Variants in ACCS observed in about 807,000 individuals in gnomAD.
ACCS encodes 1-aminocyclopropane-1-carboxylate synthase-like protein 1.
In ACCS, 42 loss-of-function variants were observed where a neutral mutation model predicts 59.8. The observed-to-expected ratio is 0.70, with a 90% CI of 0.55 to 0.91. The LOEUF (loss-of-function observed/expected upper bound fraction) is 0.91. ACCS is among the 40% of genes least tolerant of loss of function. The probability of loss-of-function intolerance (pLI) is 0.00; values close to 1 mark genes in which losing one functional copy is unlikely to be tolerated. For missense variants in ACCS, 602 were observed against 630.4 expected (o/e 0.95, Z 0.48); for synonymous variants, 230 against 240.3 (o/e 0.96, Z 0.40).
chr11:44,079,373 A>T, intron 9 of ACCS, 158 bp from the exon 10 acceptor site: 1 of 616,390 alleles, frequency 1.6e-6, no homozygotes, highest in Non-Finnish European at 2.9e-6. Context: ...TCTGTTTGAA[A>T]AAAACAGAAG....
rs1158400029 is a variant in ACCS, at chr11:44,077,527, G to C, written c.654+151G>C. 3 of 1,458,910 alleles carry C rather than the reference G, an allele frequency of 2.1e-6. No homozygotes were observed. In the African/African-American group the frequency reaches 4.3e-5, roughly 21 times the overall value. 90.4% of individuals were successfully genotyped at this position (1,458,910 alleles called of 1,614,324 possible). A position where few individuals can be genotyped will look rare whatever the true frequency, so the allele number is the denominator to read the frequency against. On this transcript the variant is annotated intron_variant, in intron 7 of 14. Coordinates refer to ENST00000263776, the MANE Select transcript of ACCS (RefSeq NM_032592.4). ...TGTTGCTGCATGGCTGCCTGTGCCT[G>C]GGTTCCCCAGTGGCTCCAAAGTTCC...
chr11:44,083,434 A>C lies in ACCS; in HGVS notation c.1265A>C (p.Lys422Thr). 6.2e-7 allele frequency: 1 copy of C among 1,614,150 alleles called. No individual in the cohort carries two copies. The highest frequency in any genetic ancestry group is 8.5e-7 in the Non-Finnish European group (1 of 1,180,002). Residue 422 changes from lysine to threonine, a missense_variant, in exon 14 of 15, where the codon AAG (lysine) becomes ACG (threonine). Lys to Thr is a moderately conservative substitution (Grantham distance 78). Coordinates refer to ENST00000263776, the MANE Select transcript of ACCS (RefSeq NM_032592.4). ...IWVDLRKYLPKGTFEEEMLLW... is the reference protein window; with the variant it reads ...IWVDLRKYLPTGTFEEEMLLW... ...CTTCCACCCTCTCAGTACCTGCCCAAGGGCACCTTTGAGGAGGAAATGCTG... is the reference window on the plus strand; with the variant it reads ...CTTCCACCCTCTCAGTACCTGCCCACGGGCACCTTTGAGGAGGAAATGCTG...
Position 44,083,977 on chromosome 11 carries a change from C to A in ACCS, c.*185C>A. The A allele has an allele frequency of 1.5e-6, 2 of 1,308,760 alleles. No homozygotes were observed. The highest frequency in any genetic ancestry group is 2.0e-6 in the Non-Finnish European group (2 of 985,782). 81.1% of individuals were successfully genotyped at this position (1,308,760 alleles called of 1,614,324 possible). A position where few individuals can be genotyped will look rare whatever the true frequency, so the allele number is the denominator to read the frequency against. ...GGAAACTCCTTAAGCTGTGGTTCAG[C>A]CTGGGCCCTCCCTCTCTCCTATTAA... On this transcript the variant is annotated 3_prime_UTR_variant, in exon 15 of 15. Coordinates refer to ENST00000263776, the MANE Select transcript of ACCS (RefSeq NM_032592.4).
intron 10 of ACCS, among the ~76,000 whole-genome samples, chr11:44,080,009 C>A (rs178528): frequency 0.32 from 49,244 of 152,074 alleles, 8,374 homozygotes; most frequent in Admixed American, 0.47. Flanking sequence ...CCAAACACCT[C>A]TGGATATTTA....
At chr11:44,081,108 G>A (rs1285418463) in intron 11 of ACCS, 43 bp downstream of exon 11, 3 of 1,614,072 alleles carry the variant, frequency 1.9e-6, no homozygotes, top group Non-Finnish European at 1.7e-6. Context: ...AGGGTGGGAG[G>A]GCAGAGAGGT....
chr11:44,067,700 G>A lies in ACCS; in HGVS notation c.73G>A (p.Gly25Ser), dbSNP rs766370364. 1 of 1,614,184 alleles carries A rather than the reference G, an allele frequency of 6.2e-7. No homozygotes were observed. The highest frequency in any genetic ancestry group is 2.2e-5 in the East Asian group (1 of 44,888). Residue 25 changes from glycine to serine, a missense_variant, in exon 2 of 15, where the codon GGC becomes AGC. Transcript: ENST00000263776. ...GGGCCCCACCTGCATGCAGGACCTGGGCAGTAGCCATGGGGAAGATCTGGA... is the reference window on the plus strand; with the variant it reads ...GGGCCCCACCTGCATGCAGGACCTGAGCAGTAGCCATGGGGAAGATCTGGA... ...CLGPTCMQDL[G>S]SSHGEDLEGE...
chr11:44,083,282 G>C lies in ACCS; in HGVS notation c.1225G>C (p.Gly409Arg). ...LGIPFLSRGA[G>R]FFIWVDLRKY... ...GATCCCCTTCTTGAGTCGTGGGGCTGGCTTCTTCATCTGGGTTGACTTGAG... is the reference window on the plus strand; with the variant it reads ...GATCCCCTTCTTGAGTCGTGGGGCTCGCTTCTTCATCTGGGTTGACTTGAG... Residue 409 changes from glycine (G) to arginine (R), a missense_variant, in exon 13 of 15, where the codon GGC becomes CGC. Physicochemically the swap from Gly to Arg is moderately radical, Grantham distance 125. Coordinates refer to ENST00000263776, the MANE Select transcript of ACCS (RefSeq NM_032592.4). 6.2e-7 allele frequency: 1 copy of C among 1,614,166 alleles called. No homozygotes were observed. Among genetic ancestry groups the C allele is most frequent in the South Asian group, 1.1e-5 (1 of 91,088 alleles).
intron 10 of ACCS, chr11:44,080,703 G>T (rs1953599513): frequency 2.3e-6 from 1 of 437,254 alleles, no homozygotes; most frequent in Non-Finnish European, 4.2e-6. Flanking sequence ...TACCTGATTG[G>T]CCTGGTCCCA....
At chr11:44,078,025 C>T in intron 8 of ACCS, 103 bp downstream of exon 8, 1 of 1,404,536 alleles carries the variant, frequency 7.1e-7, no homozygotes, top group Non-Finnish European at 9.6e-7. Flanking sequence ...AGGGTTGATA[C>T]CCGGTGATTG....
intron 2 of ACCS, among the ~76,000 whole-genome samples, chr11:44,070,445 T>C (rs1952997367): frequency 6.6e-6 from 1 of 152,194 alleles, no homozygotes; most frequent in Non-Finnish European, 1.5e-5. Flanking sequence ...TTCGAGGAGC[T>C]TCCCAGCTTG....
At position 44,078,432 on chromosome 11, in the gene ACCS, G is replaced by A. The variant is rs1953479193; in HGVS notation, c.733-252G>A. 6.7e-6 allele frequency: 3 copies of A among 446,884 alleles called. No homozygotes were observed. In the East Asian group the frequency reaches 1.0e-4, roughly 16 times the overall value. 27.7% of individuals were successfully genotyped at this position (446,884 alleles called of 1,614,324 possible). ...CTGTAGGAATTTTGAAAGTGCAAAAGGCCAACCCAAAATTCTACCAACAAA... is the reference window on the plus strand; with the variant it reads ...CTGTAGGAATTTTGAAAGTGCAAAAAGCCAACCCAAAATTCTACCAACAAA... On this transcript the variant is annotated intron_variant, in intron 8 of 14. Coordinates refer to ENST00000263776, the MANE Select transcript of ACCS (RefSeq NM_032592.4).
Position 44,083,530 on chromosome 11 carries a change from G to C in ACCS, c.1361G>C (p.Gly454Ala). Residue 454 changes from glycine (G) to alanine (A), a missense_variant, in exon 14 of 15, where the codon GGT (glycine) becomes GCT (alanine). Coordinates refer to ENST00000263776, the MANE Select transcript of ACCS (RefSeq NM_032592.4). Reference sequence around the variant, plus strand: ...AAGGCCTTCGAGTGTAAAGAGCCTGGTTGGTTTCGCTTTGTCTTCTCAGAC... The same window carrying C: ...AAGGCCTTCGAGTGTAAAGAGCCTGCTTGGTTTCGCTTTGTCTTCTCAGAC... ...FGKAFECKEP[G>A]WFRFVFSDQV... The C allele has an allele frequency of 6.2e-7, 1 of 1,614,248 alleles. No individual in the cohort carries two copies. Among genetic ancestry groups the C allele is most frequent in the Admixed American group, 1.7e-5 (1 of 60,030 alleles).
At position 44,074,694 on chromosome 11, in the gene ACCS, C is replaced by T. The variant is rs746941874; in HGVS notation, c.489+13C>T. The T allele has an allele frequency of 6.4e-7, 1 of 1,556,266 alleles. No individual in the cohort carries two copies. Among genetic ancestry groups the T allele is most frequent in the South Asian group, 1.2e-5 (1 of 85,058 alleles). ...CAGACCAGAGAATGTGAGTGGCCCC[C>T]TCCACTGCTCCTTCCTGTTCTCCTG... On this transcript the variant is annotated intron_variant, in intron 5 of 14. Coordinates refer to ENST00000263776, the MANE Select transcript of ACCS (RefSeq NM_032592.4).
intron 12 of ACCS, among the ~76,000 whole-genome samples, chr11:44,081,818 GAGTA>G (rs1344877104): frequency 6.6e-6 from 1 of 152,210 alleles, no homozygotes; most frequent in African/African-American, 2.4e-5. Context: ...TCGGGTGACA[GAGTA>G]AGACCTTGTC....
At chr11:44,075,482 C>A in intron 5 of ACCS, 44 bp from the exon 6 acceptor site, 1 of 1,604,324 alleles carries the variant, frequency 6.2e-7, no homozygotes, top group Non-Finnish European at 8.5e-7. Context: ...CGTGCACACT[C>A]CTGGAACTGG....
At chr11:44,081,390 C>T in intron 12 of ACCS, 70 bp downstream of exon 12, 1 of 1,584,074 alleles carries the variant, frequency 6.3e-7, no homozygotes, top group South Asian at 1.1e-5. Flanking sequence ...AGCCAGGAAT[C>T]ATAGATACTT....
Position 44,083,204 on chromosome 11 carries a change from G to T in ACCS, c.1147G>T (p.Ala383Ser). The change falls in exon 13 of 15, where the codon GCC (alanine) becomes TCC (serine). Residue 383 changes from alanine to serine, a missense_variant. Physicochemically the swap from Ala to Ser is moderately conservative, Grantham distance 99. Coordinates refer to ENST00000263776, the MANE Select transcript of ACCS (RefSeq NM_032592.4). ...INQVYLPENHARLKAAHTYVS... is the reference protein window; with the variant it reads ...INQVYLPENHSRLKAAHTYVS... ...CCAGGTGTACCTGCCGGAAAACCAT[G>T]CCCGGCTCAAGGCTGCCCACACCTA... 6.2e-7 allele frequency: 1 copy of T among 1,614,198 alleles called. No homozygotes were observed. Among genetic ancestry groups the T allele is most frequent in the South Asian group, 1.1e-5 (1 of 91,086 alleles).
intron 4 of ACCS, 32 bp downstream of exon 4, chr11:44,073,549 C>T: frequency 3.8e-6 from 6 of 1,573,372 alleles, no homozygotes; most frequent in Non-Finnish European, 5.2e-6. Flanking sequence ...AGTTTGTCCC[C>T]CTGGGGATGT....
At chr11:44,081,864 T>TA (rs1953654388) in intron 12 of ACCS, among the ~76,000 whole-genome samples, 1 of 152,184 alleles carries the variant, frequency 6.6e-6, no homozygotes, top group Non-Finnish European at 1.5e-5. Flanking sequence ...CAGAAGCTTC[T>TA]AAGGAAAATT....
Sources: allele counts gnomAD v4.1 joint callset (sites outside exome capture counted in the v4.1 genomes callset), GRCh38; gene constraint gnomAD v4.1.1; transcripts MANE v1.5; gene names NCBI Gene and HGNC (gene_info 2026-07-23, HGNC 2026-07-21).